Variants in CLVS1 observed in about 807,000 individuals in gnomAD.
The protein encoded by CLVS1 is clavesin 1.
CLVS1 carries 10 observed loss-of-function variants against 33.1 expected under a neutral mutation model. The observed-to-expected ratio is 0.30, with a 90% CI of 0.19 to 0.51. The LOEUF (loss-of-function observed/expected upper bound fraction) is 0.51, where lower values mean the gene tolerates loss of function less well. Ranked by LOEUF, CLVS1 falls within the 20% of genes least tolerant of loss-of-function variation. The pLI is 0.97. For synonymous variants in CLVS1, 163 were observed against 166.1 expected (o/e 0.98, Z 0.14); for missense variants, 343 against 433.4 (o/e 0.79, Z 1.85).
chr8:61,369,585 G>A (rs1170022518), intron 2 of CLVS1, among the ~76,000 whole-genome samples: 1 of 152,222 alleles, frequency 6.6e-6, no homozygotes, highest in Non-Finnish European at 1.5e-5. Context: ...CAGTGACTAA[G>A]AGGGATATCT....
At chr8:61,086,087 T>G (rs1354577614) in intron 1 of CLVS1, among the ~76,000 whole-genome samples, 66 of 132,384 alleles carry the variant, frequency 5.0e-4, no homozygotes, top group African/African-American at 1.8e-3. Flanking sequence ...ATTAGCTTGT[T>G]GTGGTGGTGT....
At chr8:61,278,789 G>T (rs888829466) in intron 2 of CLVS1, among the ~76,000 whole-genome samples, 17 of 152,324 alleles carry the variant, frequency 1.1e-4, no homozygotes, top group African/African-American at 3.4e-4. Flanking sequence ...CTCAGAAGAG[G>T]TGTTTATCTT....
intron 2 of CLVS1, among the ~76,000 whole-genome samples, chr8:61,320,422 G>A (rs1157779229): frequency 2.6e-5 from 4 of 151,426 alleles, no homozygotes; most frequent in African/African-American, 9.7e-5. Context: ...TGACAATACT[G>A]GTTAACTTAG....
chr8:60,990,647 A>G, the CLVS1 span, among the ~76,000 whole-genome samples: 4 of 152,148 alleles, frequency 2.6e-5, no homozygotes, highest in Non-Finnish European at 4.4e-5. Flanking sequence ...GTTCTTTTTA[A>G]TAGTAACTGA....
chr8:61,376,238 G>C (rs1049507561), intron 2 of CLVS1, among the ~76,000 whole-genome samples: 1 of 152,148 alleles, frequency 6.6e-6, no homozygotes. Context: ...TGATTATGGC[G>C]CAATCCCTAC....
intron 3 of CLVS1, among the ~76,000 whole-genome samples, chr8:61,408,998 G>A (rs945980026): frequency 6.6e-6 from 1 of 152,060 alleles, no homozygotes; most frequent in Non-Finnish European, 1.5e-5. Context: ...GTCAAAGGAA[G>A]AAATATATCA....
chr8:61,240,894 G>GTTTTTTTTTTTTTTTTTT lies in CLVS1; in HGVS notation c.-151-58766_-151-58765insTTTTTTTTTTTTTTTTTT, dbSNP rs549955338. 3.2e-3 allele frequency among the ~76,000 whole-genome samples: 415 copies of GTTTTTTTTTTTTTTTTTT among 130,498 alleles called. 15 individuals are homozygous for GTTTTTTTTTTTTTTTTTT. Among genetic ancestry groups the GTTTTTTTTTTTTTTTTTT allele is most frequent in the African/African-American group, 0.013 (398 of 31,422 alleles). The allele number at this position is 130,498 out of a possible 152,430, so 85.6% of individuals were successfully genotyped here. Reference sequence around the variant, plus strand: ...CTAAAATGAATGATGTTTGCTGTAGGTTTTTTTTTTTTTTTTTAAAATAGA... The same window carrying GTTTTTTTTTTTTTTTTTT: ...CTAAAATGAATGATGTTTGCTGTAGGTTTTTTTTTTTTTTTTTTTTTTTTTTTTTTTTTTTAAAATAGA... On this transcript the variant is annotated intron_variant, in intron 2 of 2. Coordinates refer to the CLVS1 transcript ENST00000522621.
At chr8:61,398,831 TGAG>T (rs1159970653) in intron 3 of CLVS1, among the ~76,000 whole-genome samples, 1 of 152,206 alleles carries the variant, frequency 6.6e-6, no homozygotes, top group African/African-American at 2.4e-5. Flanking sequence ...GTTAGTTTGC[TGAG>T]GATAATGGCT....
the CLVS1 span, among the ~76,000 whole-genome samples, chr8:60,969,494 C>T: frequency 6.6e-6 from 1 of 152,070 alleles, no homozygotes; most frequent in African/African-American, 2.4e-5. Context: ...AATATTAATG[C>T]TTGTCAGTGG....
At chr8:61,192,087 G>GC (rs1807496670) in intron 2 of CLVS1, among the ~76,000 whole-genome samples, 2 of 152,156 alleles carry the variant, frequency 1.3e-5, no homozygotes, top group Non-Finnish European at 2.9e-5. Flanking sequence ...TAAGCCAAAA[G>GC]AACAAAGCTG....
the CLVS1 span, among the ~76,000 whole-genome samples, chr8:61,019,789 T>G: frequency 6.6e-6 from 1 of 152,110 alleles, no homozygotes; most frequent in Non-Finnish European, 1.5e-5. Context: ...TACATCATCC[T>G]GCAATTGTAC....
At chr8:61,467,954 GCTGGCTACC>G (rs927280331) in intron 5 of CLVS1, among the ~76,000 whole-genome samples, 112 of 152,280 alleles carry the variant, frequency 7.4e-4, no homozygotes, top group African/African-American at 2.6e-3. Flanking sequence ...AGTGAAAGAC[GCTGGCTACC>G]GAAAACATTG....
the CLVS1 span, among the ~76,000 whole-genome samples, chr8:61,014,336 A>G: frequency 6.6e-6 from 1 of 152,154 alleles, no homozygotes; most frequent in Admixed American, 6.5e-5. Context: ...ACCTGCTTTA[A>G]TGAGCATGTC....
At chr8:61,290,279 G>T (rs1261423324) in intron 1 of CLVS1, among the ~76,000 whole-genome samples, 1 of 152,178 alleles carries the variant, frequency 6.6e-6, no homozygotes, top group Non-Finnish European at 1.5e-5. Flanking sequence ...TTTCTTGACT[G>T]AAATGTTATG....
At chr8:61,263,448 G>A (rs1245935623) in intron 2 of CLVS1, among the ~76,000 whole-genome samples, 1 of 152,148 alleles carries the variant, frequency 6.6e-6, no homozygotes, top group Non-Finnish European at 1.5e-5. Context: ...GCCCCACTGG[G>A]TAGCTCTCCT....
At chr8:61,077,529 G>A (rs1437282881) in intron 1 of CLVS1, among the ~76,000 whole-genome samples, 1 of 150,510 alleles carries the variant, frequency 6.6e-6, no homozygotes, top group Non-Finnish European at 1.5e-5. Context: ...AGGCTGGAGC[G>A]CAGTGGCGCG....
At chr8:61,175,601 T>C (rs764934755) in intron 2 of CLVS1, among the ~76,000 whole-genome samples, 245 of 152,256 alleles carry the variant, frequency 1.6e-3, no homozygotes, top group Non-Finnish European at 2.9e-3. Context: ...AGTGTCCTTA[T>C]AAGAAGAGAG....
chr8:61,188,529 G>C (rs1403287151), intron 2 of CLVS1, among the ~76,000 whole-genome samples: 2 of 152,076 alleles, frequency 1.3e-5, no homozygotes, highest in South Asian at 2.1e-4. Context: ...CTTGAAACTA[G>C]TATTATTCTT....
At chr8:61,143,412 C>A (rs1014392003) in intron 2 of CLVS1, among the ~76,000 whole-genome samples, 1 of 152,164 alleles carries the variant, frequency 6.6e-6, no homozygotes, top group Non-Finnish European at 1.5e-5. Flanking sequence ...ACTGCTCATT[C>A]TGGGTGGAGA....
Sources: allele counts gnomAD v4.1 joint callset (sites outside exome capture counted in the v4.1 genomes callset), GRCh38; gene constraint gnomAD v4.1.1; transcripts MANE v1.5; gene names NCBI Gene and HGNC (gene_info 2026-07-23, HGNC 2026-07-21).